MAF: variants seen among roughly 807,000 people sequenced by gnomAD.
The protein encoded by MAF is transcription factor Maf.
In MAF, 10 loss-of-function variants were observed where a neutral mutation model predicts 22.0. That is an observed-to-expected ratio of 0.45 (90% confidence interval 0.28 to 0.77). The LOEUF is 0.77. Among genes scored for constraint, MAF ranks in the 30% least tolerant of loss-of-function variants. The pLI, the probability that MAF is intolerant of heterozygous loss-of-function variation, is 0.12. For missense variants in MAF, 544 were observed against 548.4 expected (o/e 0.99, Z 0.08); for synonymous variants, 337 against 255.8 (o/e 1.32, Z -3.03).
the MAF span, among the ~76,000 whole-genome samples, chr16:79,346,144 C>T: frequency 2.0e-5 from 3 of 151,878 alleles, no homozygotes; most frequent in Non-Finnish European, 4.4e-5. Flanking sequence ...CATCATTTAG[C>T]ATTAGGTGTA....
the MAF span, among the ~76,000 whole-genome samples, chr16:79,404,323 C>T: frequency 3.9e-3 from 598 of 152,144 alleles, 2 homozygotes; most frequent in African/African-American, 0.013. Flanking sequence ...ACCACCACAC[C>T]GTGCTAATTT....
At chr16:79,273,646 G>T in the MAF span, among the ~76,000 whole-genome samples, 1 of 151,982 alleles carries the variant, frequency 6.6e-6, no homozygotes, top group Non-Finnish European at 1.5e-5. Flanking sequence ...GCCAGCAATG[G>T]CAGGTGAAGC....
chr16:79,479,849 C>CA, the MAF span, among the ~76,000 whole-genome samples: 2 of 152,162 alleles, frequency 1.3e-5, no homozygotes, highest in Non-Finnish European at 2.9e-5. Context: ...AATAAATTGT[C>CA]ACTTGGGTCA....
At chr16:79,319,703 AT>A in the MAF span, among the ~76,000 whole-genome samples, 23,192 of 152,202 alleles carry the variant, frequency 0.15, 2,516 homozygotes, top group African/African-American at 0.3. Flanking sequence ...ATAAACATTT[AT>A]TGAGCAACTA....
At chr16:79,560,089 T>C in the MAF span, among the ~76,000 whole-genome samples, 3,133 of 152,104 alleles carry the variant, frequency 0.021, 57 homozygotes, top group Middle Eastern at 0.041. Flanking sequence ...TAGAACTATT[T>C]TTGTAGAGAT....
At chr16:79,459,136 G>A in the MAF span, among the ~76,000 whole-genome samples, 41 of 152,144 alleles carry the variant, frequency 2.7e-4, no homozygotes, top group African/African-American at 9.9e-4. Context: ...TAGGATAGAA[G>A]ACAAGGAGCA....
At chr16:79,225,694 C>G in the MAF span, among the ~76,000 whole-genome samples, 1 of 152,142 alleles carries the variant, frequency 6.6e-6, no homozygotes, top group African/African-American at 2.4e-5. Flanking sequence ...AAAAACCACA[C>G]AACCCCATCA....
chr16:79,374,415 C>A, the MAF span, among the ~76,000 whole-genome samples: 1 of 152,210 alleles, frequency 6.6e-6, no homozygotes, highest in Non-Finnish European at 1.5e-5. Flanking sequence ...CAAGCTTCAT[C>A]TCTGCTTTTG....
chr16:79,315,845 A>G, the MAF span, among the ~76,000 whole-genome samples: 113,313 of 152,160 alleles, frequency 0.74, 43,140 homozygotes, highest in East Asian at 0.99. Context: ...GAGACCTTCA[A>G]AAATTAAGAT....
the MAF span, among the ~76,000 whole-genome samples, chr16:79,234,673 G>C: frequency 1.5e-3 from 232 of 152,216 alleles, 3 homozygotes; most frequent in Non-Finnish European, 2.2e-3. Context: ...TGTCCTAGCA[G>C]AAAGCAGGTA....
chr16:79,532,931 C>T, the MAF span, among the ~76,000 whole-genome samples: 11 of 152,352 alleles, frequency 7.2e-5, no homozygotes, highest in South Asian at 8.3e-4. Context: ...AATATCATTG[C>T]TGCAAGCTGG....
At chr16:79,345,667 G>A in the MAF span, among the ~76,000 whole-genome samples, 2 of 125,432 alleles carry the variant, frequency 1.6e-5, no homozygotes, top group South Asian at 2.6e-4. Context: ...GGTGGAGCTT[G>A]CAGTAAGCCA....
At chr16:79,263,287 G>C in the MAF span, among the ~76,000 whole-genome samples, 1 of 152,174 alleles carries the variant, frequency 6.6e-6, no homozygotes, top group Non-Finnish European at 1.5e-5. Flanking sequence ...CTTCAAACTG[G>C]GGAAATTTTC....
At chr16:79,465,917 G>C in the MAF span, among the ~76,000 whole-genome samples, 1 of 152,192 alleles carries the variant, frequency 6.6e-6, no homozygotes, top group African/African-American at 2.4e-5. Flanking sequence ...TTATGATTAT[G>C]ATGGATACAT....
chr16:79,256,011 C>G, the MAF span, among the ~76,000 whole-genome samples: 9 of 98,186 alleles, frequency 9.2e-5, no homozygotes, highest in Non-Finnish European at 1.7e-4. Flanking sequence ...GAGATGGAAT[C>G]TTGCTGTATT....
At chr16:79,376,578 C>G in the MAF span, among the ~76,000 whole-genome samples, 2 of 151,908 alleles carry the variant, frequency 1.3e-5, no homozygotes, top group South Asian at 4.1e-4. Flanking sequence ...GCACGACGTG[C>G]AGGTTTGTTA....
At chr16:79,254,616 A>T in the MAF span, among the ~76,000 whole-genome samples, 1 of 152,232 alleles carries the variant, frequency 6.6e-6, no homozygotes, top group African/African-American at 2.4e-5. Flanking sequence ...AGCCTGTGTT[A>T]CATGATATGA....
At chr16:79,253,259 G>C in the MAF span, among the ~76,000 whole-genome samples, 1 of 152,154 alleles carries the variant, frequency 6.6e-6, no homozygotes, top group African/African-American at 2.4e-5. Context: ...ACTCACAAAA[G>C]TATGCCTGTT....
chr16:79,464,476 A>G, the MAF span, among the ~76,000 whole-genome samples: 1 of 152,194 alleles, frequency 6.6e-6, no homozygotes, highest in African/African-American at 2.4e-5. Context: ...ACACAAGTCA[A>G]CACCTTGAAT....
Sources: allele counts gnomAD v4.1 joint callset (sites outside exome capture counted in the v4.1 genomes callset), GRCh38; gene constraint gnomAD v4.1.1; transcripts MANE v1.5; gene names NCBI Gene and HGNC (gene_info 2026-07-23, HGNC 2026-07-21).